TBC1D5: variants seen among roughly 807,000 people sequenced by gnomAD.
TBC1D5 encodes the protein TBC1 domain family member 5, also known as TBC1 domain family, member 5.
In TBC1D5, 75 loss-of-function variants were observed where a neutral mutation model predicts 100.3. The observed-to-expected ratio is 0.75, with a 90% CI of 0.62 to 0.91. TBC1D5 has a LOEUF of 0.91. TBC1D5 is among the 40% of genes least tolerant of loss of function. TBC1D5 has a pLI of 0.00. For missense variants in TBC1D5, 910 were observed against 942.4 expected (o/e 0.97, Z 0.45); for synonymous variants, 323 against 325.6 (o/e 0.99, Z 0.09).
At chr3:17,554,602 T>C (rs2096500194) in intron 2 of TBC1D5, among the ~76,000 whole-genome samples, 1 of 152,350 alleles carries the variant, frequency 6.6e-6, no homozygotes, top group African/African-American at 2.4e-5. Flanking sequence ...CAAAGGTTAC[T>C]GACGAATATA....
At chr3:17,363,186 T>C (rs939008756) in intron 13 of TBC1D5, among the ~76,000 whole-genome samples, 3 of 152,182 alleles carry the variant, frequency 2.0e-5, no homozygotes, top group African/African-American at 4.8e-5. Flanking sequence ...TACCTTATTA[T>C]TGGAAATGTA....
intron 3 of TBC1D5, among the ~76,000 whole-genome samples, chr3:17,438,176 T>G (rs2094571645): frequency 6.6e-6 from 1 of 152,188 alleles, no homozygotes. Context: ...ATGCTGCATT[T>G]TAGACAATTA....
chr3:17,307,855 T>C, intron 14 of TBC1D5, 137 bp downstream of exon 14: 4 of 1,069,778 alleles, frequency 3.7e-6, no homozygotes, highest in Non-Finnish European at 5.3e-6. Context: ...TCCTTTGAAA[T>C]TTCAGTATAT....
intron 3 of TBC1D5, among the ~76,000 whole-genome samples, chr3:17,456,972 G>A (rs1466165858): frequency 1.3e-5 from 2 of 152,016 alleles, no homozygotes; most frequent in Non-Finnish European, 2.9e-5. Context: ...GTTGAATAGT[G>A]GTTTTATGGG....
At chr3:17,473,134 A>T (rs2095399553) in intron 3 of TBC1D5, among the ~76,000 whole-genome samples, 1 of 152,224 alleles carries the variant, frequency 6.6e-6, no homozygotes, top group Non-Finnish European at 1.5e-5. Flanking sequence ...GGTCAAGTGC[A>T]GTGGCTAATA....
chr3:17,734,213 T>C (rs2076787134), intron 1 of TBC1D5, among the ~76,000 whole-genome samples: 1 of 152,220 alleles, frequency 6.6e-6, no homozygotes, highest in Admixed American at 6.5e-5. Flanking sequence ...CAATGTATTT[T>C]CTAATACACT....
rs545454056 is a variant in TBC1D5 at position 17,625,744 on chromosome 3, T to C, written c.-100-1831A>G. 9.9e-5 allele frequency among the ~76,000 whole-genome samples: 15 copies of C among 152,204 alleles called. No homozygotes were observed. In the South Asian group the frequency reaches 3.1e-3, roughly 32 times the overall value. Reference sequence around the variant, plus strand: ...ATCATGCCTATGAAATATATGACATTGTTCATGCCACTAGATAAAAACACC... The same window carrying C: ...ATCATGCCTATGAAATATATGACATCGTTCATGCCACTAGATAAAAACACC... On this transcript the variant is annotated intron_variant, in intron 1 of 21. Transcript: ENST00000253692.
At chr3:17,525,050 C>T (rs1040569830) in intron 2 of TBC1D5, among the ~76,000 whole-genome samples, 1 of 151,974 alleles carries the variant, frequency 6.6e-6, no homozygotes, top group Non-Finnish European at 1.5e-5. Flanking sequence ...GTTAAAATTT[C>T]TGGACACACA....
intron 3 of TBC1D5, among the ~76,000 whole-genome samples, chr3:17,455,306 A>G (rs910833724): frequency 1.0e-4 from 15 of 147,012 alleles, no homozygotes; most frequent in African/African-American, 3.7e-4. Flanking sequence ...GTATGTATAT[A>G]TGTAAATATG....
intron 2 of TBC1D5, among the ~76,000 whole-genome samples, chr3:17,616,512 T>G (rs1263322519): frequency 6.6e-6 from 1 of 152,154 alleles, no homozygotes; most frequent in Non-Finnish European, 1.5e-5. Context: ...ATTATTATTG[T>G]GTGGGAGTCT....
intron 2 of TBC1D5, among the ~76,000 whole-genome samples, chr3:17,542,774 T>C (rs554434944): frequency 3.9e-5 from 6 of 152,320 alleles, no homozygotes; most frequent in Admixed American, 1.3e-4. Flanking sequence ...TCAATTTCCA[T>C]AAGATGAATC....
chr3:17,406,490 G>A, exon 5 of TBC1D5: 1 of 1,611,804 alleles, frequency 6.2e-7, no homozygotes, highest in Non-Finnish European at 8.5e-7. Flanking sequence ...TTGTTGCCAA[G>A]TAATTGTTGT....
At chr3:17,629,625 A>T (rs2063332771) in intron 1 of TBC1D5, among the ~76,000 whole-genome samples, 1 of 152,212 alleles carries the variant, frequency 6.6e-6, no homozygotes, top group Admixed American at 6.5e-5. Context: ...TGAGAAAAAT[A>T]AGCTTTAGTG....
chr3:17,277,820 G>A (rs1440919614), intron 15 of TBC1D5, among the ~76,000 whole-genome samples: 1 of 152,160 alleles, frequency 6.6e-6, no homozygotes, highest in African/African-American at 2.4e-5. Flanking sequence ...AGGGGGCTAG[G>A]TCTTGGCTCT....
rs1027298370 is a variant in TBC1D5, at chr3:17,371,534, A to G, written c.995+541T>C. Among the ~76,000 whole-genome samples the G allele has an allele frequency of 3.3e-5, 5 of 152,162 alleles. 1 individual carries two copies. Among genetic ancestry groups the G allele is most frequent in the African/African-American group, 1.2e-4 (5 of 41,458 alleles). On this transcript the variant is annotated intron_variant, in intron 13 of 21. Coordinates refer to ENST00000253692, the Ensembl canonical transcript of TBC1D5. ...ACTAAACCTGAGCCTTAACTTCTTC[A>G]TCTCTAATAAAGGAATAATACCCAA...
chr3:17,178,450 T>C (rs2068063726), intron 19 of TBC1D5, among the ~76,000 whole-genome samples: 1 of 152,162 alleles, frequency 6.6e-6, no homozygotes, highest in African/African-American at 2.4e-5. Flanking sequence ...ATGTTAGCAA[T>C]TGTGAACAGT....
At chr3:17,322,885 G>C (rs2085604289) in intron 13 of TBC1D5, among the ~76,000 whole-genome samples, 1 of 152,174 alleles carries the variant, frequency 6.6e-6, no homozygotes, top group Non-Finnish European at 1.5e-5. Flanking sequence ...AGAGAGGTTA[G>C]TATACCCATG....
chr3:17,565,550 C>T (rs1245026845), intron 2 of TBC1D5, among the ~76,000 whole-genome samples: 1 of 151,956 alleles, frequency 6.6e-6, no homozygotes, highest in Non-Finnish European at 1.5e-5. Context: ...GCAAAGAAAA[C>T]CTCATTTCTA....
chr3:17,373,858 T>C (rs781064009), intron 12 of TBC1D5, among the ~76,000 whole-genome samples: 1 of 151,892 alleles, frequency 6.6e-6, no homozygotes, highest in Non-Finnish European at 1.5e-5. Flanking sequence ...AACAGGGAAA[T>C]GGAGAGTGAC....
Sources: allele counts gnomAD v4.1 joint callset (sites outside exome capture counted in the v4.1 genomes callset), GRCh38; gene constraint gnomAD v4.1.1; transcripts MANE v1.5; gene names NCBI Gene and HGNC (gene_info 2026-07-23, HGNC 2026-07-21).